The following ESCO1 variants were observed in gnomAD, a reference collection of about 807,000 sequenced individuals.
ESCO1 encodes the protein N-acetyltransferase ESCO1.
ESCO1 carries 33 observed loss-of-function variants against 83.5 expected under a neutral mutation model. That is an observed-to-expected ratio of 0.40 (90% CI 0.30 to 0.53). The LOEUF is 0.53. Among genes scored for constraint, ESCO1 ranks in the 20% least tolerant of loss-of-function variants. ESCO1 has a pLI of 0.63. For synonymous variants in ESCO1, 332 were observed against 324.3 expected (o/e 1.02, Z -0.25); for missense variants, 855 against 968.0 (o/e 0.88, Z 1.55).
chr18:21,545,738 G>C (rs965482729), intron 8 of ESCO1, among the ~76,000 whole-genome samples: 5 of 151,968 alleles, frequency 3.3e-5, no homozygotes, highest in African/African-American at 1.2e-4. Flanking sequence ...AGACCAGCCT[G>C]GCCAACATGG....
chr18:21,537,606 C>T (rs576621779), intron 9 of ESCO1, among the ~76,000 whole-genome samples: 1 of 152,270 alleles, frequency 6.6e-6, no homozygotes, highest in African/African-American at 2.4e-5. Context: ...TCCTCCTAAT[C>T]CTGACACAGC....
At chr18:21,547,822 G>C (rs867867414) in intron 8 of ESCO1, among the ~76,000 whole-genome samples, 3 of 152,092 alleles carry the variant, frequency 2.0e-5, no homozygotes, top group Non-Finnish European at 4.4e-5. Flanking sequence ...GAGTATTTCC[G>C]GCCAGGCGCA....
intron 7 of ESCO1, among the ~76,000 whole-genome samples, chr18:21,563,582 A>C (rs1270836836): frequency 6.6e-6 from 1 of 152,108 alleles, no homozygotes; most frequent in Non-Finnish European, 1.5e-5. Flanking sequence ...TCCCGACCTC[A>C]GGTGATCCAC....
chr18:21,566,080 G>GAATC lies in ESCO1; in HGVS notation c.1706+62_1706+65dup. 3 of 1,428,634 alleles carry GAATC rather than the reference G, an allele frequency of 2.1e-6. No individual in the cohort carries two copies. The South Asian group carries it at 3.6e-5, about 17-fold the overall frequency. The allele number at this position is 1,428,634 out of a possible 1,614,324, so 88.5% of individuals were successfully genotyped here. The stretch of plus-strand genomic sequence containing the variant: ...GTTACTAGCATAACTTTTTAGGGAA[G>GAATC]AATCCCCTAAACTCAAAACTTGTAA... On this transcript the variant is annotated intron_variant, in intron 6 of 11. Transcript: ENST00000269214.
chr18:21,569,995 G>GTC (rs1315274244), intron 4 of ESCO1, among the ~76,000 whole-genome samples: 50 of 152,186 alleles, frequency 3.3e-4, no homozygotes, highest in African/African-American at 1.2e-3. Context: ...ACTCAAATAT[G>GTC]TCCTGAACCA....
At position 21,530,403 on chromosome 18, in the gene ESCO1, C is replaced by T. The variant is rs890276548; in HGVS notation, c.2463G>A (p.Gln821=). ...PTPDGKLFAT[Q]YCGTGQFLVY... is the part of the protein sequence containing the mutation. ...CCAGAAATTGACCAGTGCCACAGTA[C>T]TGTGTTGCAAACAGCTTTCCATCAG... Residue 821 remains glutamine (Q), a synonymous_variant, in exon 12 of 12, where the codon CAG becomes CAA. Transcript: ENST00000269214. 13 of 1,604,370 alleles carry T rather than the reference C, an allele frequency of 8.1e-6. No individual in the cohort carries two copies. The Admixed American group carries it at 1.3e-4, about 17-fold the overall frequency.
Position 21,594,191 on chromosome 18 carries a change from G to T in ESCO1, c.-825+6432C>A, listed in dbSNP as rs527466055. 1.1e-4 allele frequency among the ~76,000 whole-genome samples: 16 copies of T among 152,298 alleles called. 1 individual carries two copies. The South Asian group carries it at 2.3e-3, about 22-fold the overall frequency. On this transcript the variant is annotated intron_variant, in intron 1 of 11. Transcript: ENST00000269214. Reference sequence around the variant, plus strand: ...TGAGACCTACTACTATAACAGCAAAGAACTAAATTAGGAATTACAGGATAC... The same window carrying T: ...TGAGACCTACTACTATAACAGCAAATAACTAAATTAGGAATTACAGGATAC...
At position 21,579,729 on chromosome 18, in the gene ESCO1, G is replaced by A. The variant is rs542497778; in HGVS notation, c.-693-3952C>T. On this transcript the variant is annotated intron_variant, in intron 2 of 11. Transcript: ENST00000269214. ...GGAGGTTGCAGTGAGCCGACATCAC[G>A]CCACTCACTGTACTCCAGCCTGGGC... 2.7e-5 allele frequency among the ~76,000 whole-genome samples: 4 copies of A among 148,770 alleles called. No homozygotes were observed. In the East Asian group the frequency reaches 8.3e-4, roughly 31 times the overall value.
At chr18:21,552,226 A>C (rs769215549) in intron 8 of ESCO1, among the ~76,000 whole-genome samples, 29 of 152,198 alleles carry the variant, frequency 1.9e-4, no homozygotes, top group Non-Finnish European at 3.2e-4. Context: ...TTCAAAACTT[A>C]CTATAAGGCT....
intron 8 of ESCO1, among the ~76,000 whole-genome samples, chr18:21,559,270 T>C (rs953723204): frequency 2.6e-5 from 4 of 152,234 alleles, no homozygotes; most frequent in African/African-American, 9.6e-5. Context: ...CCCATGGCTC[T>C]GTCCCATCAA....
At chr18:21,558,537 T>C (rs2038141305) in intron 8 of ESCO1, among the ~76,000 whole-genome samples, 1 of 152,112 alleles carries the variant, frequency 6.6e-6, no homozygotes, top group African/African-American at 2.4e-5. Context: ...AAGACCAGCC[T>C]GACCAATACA....
rs1189503861 is a variant in ESCO1, at chr18:21,540,029, TATAC to T, written c.1954-24_1954-21del. 8.5e-6 allele frequency: 12 copies of T among 1,408,468 alleles called. No homozygotes were observed. Among genetic ancestry groups the T allele is most frequent in the East Asian group, 4.9e-5 (2 of 40,820 alleles). The allele number at this position is 1,408,468 out of a possible 1,614,324, so 87.2% of individuals were successfully genotyped here. A position where few individuals can be genotyped will look rare whatever the true frequency, so the allele number is the denominator to read the frequency against. The stretch of plus-strand genomic sequence containing the variant: ...CCAGCCCTAGATATATATATATATA[TATAC>T]ACACATATGTAAAGTATGAATTTTA... On this transcript the variant is annotated intron_variant, in intron 8 of 11. Transcript: ENST00000269214.
intron 9 of ESCO1, among the ~76,000 whole-genome samples, chr18:21,536,488 G>A (rs1006231420): frequency 6.6e-6 from 1 of 151,986 alleles, no homozygotes; most frequent in African/African-American, 2.4e-5. Context: ...CTACTCTGGA[G>A]GCTGAGACAG....
chr18:21,564,069 G>A, intron 7 of ESCO1, 134 bp downstream of exon 7: 1 of 625,904 alleles, frequency 1.6e-6, no homozygotes, highest in Non-Finnish European at 2.8e-6. Flanking sequence ...CAGATGTCAG[G>A]CCATAGAACC....
chr18:21,560,180 A>C (rs2038164274), intron 8 of ESCO1, among the ~76,000 whole-genome samples: 1 of 152,148 alleles, frequency 6.6e-6, no homozygotes, highest in African/African-American at 2.4e-5. Context: ...CAATTAAATT[A>C]CTATTTTCAC....
chr18:21,560,568 A>T (rs910193693), intron 8 of ESCO1, among the ~76,000 whole-genome samples: 11 of 152,116 alleles, frequency 7.2e-5, no homozygotes, highest in Admixed American at 1.3e-4. Context: ...GAATTTTATT[A>T]AAAAACATAC....
chr18:21,573,537 CTT>C lies in ESCO1; in HGVS notation c.1305_1306del (p.Ser436TyrfsTer9). On this transcript the variant is annotated frameshift_variant, in exon 4 of 12. Transcript: ENST00000269214. LOFTEE classifies it high-confidence loss of function. ...ATGTAGCTTTGTCCCTAAAAACGTA[CTT>C]TGAGTCACTGGATGATGCATTTCTA... The C allele has an allele frequency of 6.2e-7, 1 of 1,613,938 alleles. No homozygotes were observed. The highest frequency in any genetic ancestry group is 8.5e-7 in the Non-Finnish European group (1 of 1,179,968).
At chr18:21,537,188 C>T (rs538008865) in intron 9 of ESCO1, among the ~76,000 whole-genome samples, 3 of 152,326 alleles carry the variant, frequency 2.0e-5, no homozygotes, top group African/African-American at 7.2e-5. Flanking sequence ...TAAGCTCAAA[C>T]TGTTTGCAGG....
intron 8 of ESCO1, among the ~76,000 whole-genome samples, chr18:21,555,074 T>C (rs562704758): frequency 1.6e-4 from 25 of 152,172 alleles, no homozygotes; most frequent in African/African-American, 5.8e-4. Flanking sequence ...CCAGCCTGTG[T>C]GACAGAGCAA....
Sources: allele counts gnomAD v4.1 joint callset (sites outside exome capture counted in the v4.1 genomes callset), GRCh38; gene constraint gnomAD v4.1.1; transcripts MANE v1.5; gene names NCBI Gene and HGNC (gene_info 2026-07-23, HGNC 2026-07-21).